TSPAN4: variants seen among roughly 807,000 people sequenced by gnomAD.
TSPAN4 encodes tetraspanin 4.
A neutral mutation model predicts 31.5 loss-of-function variants in TSPAN4; 38 were observed. That is an observed-to-expected ratio of 1.21 (90% CI 0.93 to 1.58). The LOEUF is 1.58. Among genes scored for constraint, TSPAN4 ranks in the 40% most tolerant of loss-of-function variants. The pLI is 0.00. For synonymous variants in TSPAN4, 186 were observed against 144.6 expected (o/e 1.29, Z -2.06); for missense variants, 330 against 317.3 (o/e 1.04, Z -0.30).
At chr11:856,974 T>G (rs1290839640) in intron 3 of TSPAN4, 1 of 152,234 alleles carries the variant, frequency 6.6e-6, no homozygotes, top group East Asian at 1.9e-4. Flanking sequence ...GGACGCCAGG[T>G]TGCAGGGCGG....
chr11:862,834 A>C, intron 4 of TSPAN4, 93 bp downstream of exon 4: 1 of 1,326,934 alleles, frequency 7.5e-7, no homozygotes, highest in Non-Finnish European at 1.0e-6. Flanking sequence ...GTGACCCCCC[A>C]GACGTGGGCA....
At position 865,502 on chromosome 11, in the gene TSPAN4, CG is replaced by C. The variant is rs1848722076; in HGVS notation, c.331-10del. On this transcript the variant is annotated splice_polypyrimidine_tract_variant and intron_variant, in intron 5 of 8. Transcript: ENST00000397397. Reference sequence around the variant, plus strand: ...TGGGAGGGGCCCTGCTGACCCCCCCCGCACCCCCAGATTGACAGGTATGCCC... The same window carrying C: ...TGGGAGGGGCCCTGCTGACCCCCCCCCACCCCCAGATTGACAGGTATGCCC... The C allele has an allele frequency of 7.5e-6, 12 of 1,608,094 alleles. No individual in the cohort carries two copies. In the Admixed American group the frequency reaches 1.8e-4, roughly 25 times the overall value.
intron 3 of TSPAN4, chr11:859,797 C>T (rs1848347888): frequency 6.6e-6 from 1 of 152,270 alleles, no homozygotes; most frequent in Admixed American, 6.5e-5. Flanking sequence ...TAAGCTGCTT[C>T]TGGGGCTGGC....
chr11:860,392 CCAGT>C (rs2134047356), intron 3 of TSPAN4, among the ~76,000 whole-genome samples: 1 of 152,340 alleles, frequency 6.6e-6, no homozygotes, highest in South Asian at 2.1e-4. Flanking sequence ...TGCCAGCCAG[CCAGT>C]AAAAGGGTGG....
chr11:850,161 GCCGGGGGCT>G (rs1847583883), intron 2 of TSPAN4, 118 bp from the exon 3 acceptor site: 3 of 703,956 alleles, frequency 4.3e-6, no homozygotes, highest in Non-Finnish European at 6.8e-6. Flanking sequence ...CGGCGGGGAC[GCCGGGGGCT>G]CCTTCTTCGG....
intron 3 of TSPAN4, chr11:857,089 GTC>G (rs1848093151): frequency 6.6e-6 from 1 of 152,262 alleles, no homozygotes; most frequent in African/African-American, 2.4e-5. Context: ...GACAGTGGGT[GTC>G]TCTTTCCTGC....
rs1025003142 is a variant in TSPAN4, at chr11:862,892, T to C, written c.255+151T>C. 4 of 795,348 alleles carry C rather than the reference T, an allele frequency of 5.0e-6. No homozygotes were observed. The African/African-American group carries it at 7.0e-5, about 14-fold the overall frequency. 49.3% of individuals were successfully genotyped at this position (795,348 alleles called of 1,614,324 possible). A position where few individuals can be genotyped will look rare whatever the true frequency, so the allele number is the denominator to read the frequency against. ...AGGCTGGCAGTGTGGCCCGGGGCCC[T>C]GGCCACTGTTGGGTCTTCCAGGCCA... On this transcript the variant is annotated intron_variant, in intron 4 of 8. Transcript: ENST00000397397.
intron 3 of TSPAN4, among the ~76,000 whole-genome samples, chr11:852,324 A>G (rs1847799311): frequency 6.6e-6 from 1 of 151,986 alleles, no homozygotes; most frequent in African/African-American, 2.4e-5. Flanking sequence ...GGGTTTCACC[A>G]TGTTGGTCAG....
At position 848,881 on chromosome 11, in the gene TSPAN4, C is replaced by T. The variant is rs1162479538; in HGVS notation, c.-17-1407C>T. 5.6e-6 allele frequency: 4 copies of T among 708,778 alleles called. No individual in the cohort carries two copies. Among genetic ancestry groups the T allele is most frequent in the South Asian group, 3.0e-5 (2 of 66,528 alleles). The allele number at this position is 708,778 out of a possible 1,614,324, so 43.9% of individuals were successfully genotyped here. On this transcript the variant is annotated intron_variant, in intron 2 of 8. Coordinates refer to ENST00000397397, the MANE Select transcript of TSPAN4 (RefSeq NM_003271.5). The surrounding 1 kb of genome is among the most constrained non-coding windows in gnomAD (Gnocchi z 5.7). ...CATCTCCGGCTGTGGGAGGTGTGTG[C>T]GCATCCGGCGTGATGACACCCAGGA...
At chr11:863,085 C>G (rs749569981) in intron 4 of TSPAN4, 2 of 192,038 alleles carry the variant, frequency 1.0e-5, no homozygotes, top group South Asian at 3.6e-4. Context: ...TTGCGGTCTC[C>G]GTGACTCATT....
rs184298293 is a variant in TSPAN4 at position 846,725 on chromosome 11, G to A, written c.-117-476G>A. On this transcript the variant is annotated intron_variant, in intron 1 of 8. Transcript: ENST00000397397. ...TCCTGAGCCTGGGTGTCTGCTCAGA[G>A]CCCAAGGCAGGGTGGGGTAGGGGTG... Among the ~76,000 whole-genome samples the A allele has an allele frequency of 2.3e-4, 26 of 113,128 alleles. No individual in the cohort carries two copies. The East Asian group carries it at 5.8e-3, about 25-fold the overall frequency. The allele number at this position is 113,128 out of a possible 152,430, so 74.2% of individuals were successfully genotyped here. A position where few individuals can be genotyped will look rare whatever the true frequency, so the allele number is the denominator to read the frequency against.
chr11:855,915 T>C (rs558399885), intron 3 of TSPAN4, among the ~76,000 whole-genome samples: 2 of 152,324 alleles, frequency 1.3e-5, no homozygotes, highest in African/African-American at 2.4e-5. Context: ...CCCAGCCATC[T>C]GCCACAAAGC....
At chr11:858,932 G>C (rs1220756259) in intron 3 of TSPAN4, among the ~76,000 whole-genome samples, 4 of 80,974 alleles carry the variant, frequency 4.9e-5, no homozygotes, top group Non-Finnish European at 9.7e-5. Context: ...ACGCACCCCC[G>C]GGCTCACACC....
intron 3 of TSPAN4, chr11:857,400 G>GGTT (rs538466718): frequency 6.0e-5 from 6 of 100,296 alleles, no homozygotes; most frequent in South Asian, 3.3e-4. Flanking sequence ...GGCAGTTTGG[G>GGTT]TTTTTTTTTT....
intron 5 of TSPAN4, 58 bp from the exon 6 acceptor site, chr11:865,455 G>A: frequency 6.9e-7 from 1 of 1,440,396 alleles, no homozygotes; most frequent in South Asian, 1.2e-5. Flanking sequence ...GAGGGGGTCT[G>A]GATGAGGGAG....
chr11:860,793 G>A (rs962278170), intron 3 of TSPAN4, among the ~76,000 whole-genome samples: 1 of 152,128 alleles, frequency 6.6e-6, no homozygotes, highest in Admixed American at 6.5e-5. Context: ...GCTCCAAGGG[G>A]TTTCATCAGG....
chr11:865,257 G>A (rs7482414), intron 5 of TSPAN4: 232,042 of 524,042 alleles, frequency 0.44, 55,041 homozygotes, highest in Admixed American at 0.51. Flanking sequence ...GGAGGCACCT[G>A]TGTCCCTGTC....
In TSPAN4 at chr11:865,725, A is replaced by T. The variant is rs1307958542; in HGVS notation, c.464A>T (p.Asp155Val). Reference sequence around the variant, plus strand: ...TGCTGTGGCGTCTCCAACTACACTGACTGGTTCGAGGTGTACAACGCCACG... The same window carrying T: ...TGCTGTGGCGTCTCCAACTACACTGTCTGGTTCGAGGTGTACAACGCCACG... ...FRCCGVSNYT[D>V]WFEVYNATRV... The change falls in exon 7 of 9, where the codon GAC becomes GTC. Residue 155 changes from aspartate to valine, a missense_variant. Asp to Val is a radical substitution (Grantham distance 152, BLOSUM62 -3). Transcript: ENST00000397397. The T allele has an allele frequency of 1.2e-6, 2 of 1,613,330 alleles. No individual in the cohort carries two copies. The highest frequency in any genetic ancestry group is 1.7e-6 in the Non-Finnish European group (2 of 1,179,904).
chr11:862,860 G>A lies in TSPAN4; in HGVS notation c.255+119G>A, dbSNP rs531329292. The A allele has an allele frequency of 1.4e-4, 156 of 1,131,944 alleles. 1 individual carries two copies. The South Asian group carries it at 2.4e-3, about 18-fold the overall frequency. 70.1% of individuals were successfully genotyped at this position (1,131,944 alleles called of 1,614,324 possible). A position where few individuals can be genotyped will look rare whatever the true frequency, so the allele number is the denominator to read the frequency against. On this transcript the variant is annotated intron_variant, in intron 4 of 8. Transcript: ENST00000397397. ...GACGTGGGCACCACCTCTGGGGCCG[G>A]ACCTCCAGGCTGGCAGTGTGGCCCG...
Sources: allele counts gnomAD v4.1 joint callset (sites outside exome capture counted in the v4.1 genomes callset), GRCh38; gene constraint gnomAD v4.1.1; non-coding constraint Gnocchi (gnomAD v3.1); transcripts MANE v1.5; gene names NCBI Gene and HGNC (gene_info 2026-07-23, HGNC 2026-07-21).